The following SVIL variants were observed in gnomAD, a reference collection of about 807,000 sequenced individuals.
SVIL encodes the protein archvillin.
SVIL carries 101 observed loss-of-function variants against 240.4 expected under a neutral mutation model. The observed-to-expected ratio is 0.42, with a 90% CI of 0.36 to 0.50. The LOEUF (loss-of-function observed/expected upper bound fraction) is 0.50. Among genes scored for constraint, SVIL ranks in the 20% least tolerant of loss-of-function variants. The probability of loss-of-function intolerance (pLI) is 0.01; values close to 1 mark genes in which losing one functional copy is unlikely to be tolerated. For synonymous variants in SVIL, 999 were observed against 1,100.0 expected (o/e 0.91, Z 1.82); for missense variants, 2,512 against 2,818.7 (o/e 0.89, Z 2.46).
At chr10:29,602,752 G>A (rs1450533882) in intron 1 of SVIL, among the ~76,000 whole-genome samples, 2 of 152,220 alleles carry the variant, frequency 1.3e-5, no homozygotes, top group Non-Finnish European at 2.9e-5. Flanking sequence ...TCGGGGGGCC[G>A]AGGCAGTTGG....
intron 2 of SVIL, among the ~76,000 whole-genome samples, chr10:29,667,239 C>CA (rs974803194): frequency 2.0e-5 from 3 of 152,134 alleles, no homozygotes; most frequent in African/African-American, 7.2e-5. Flanking sequence ...GAAACAATCT[C>CA]AAAGTCCTTT....
chr10:29,466,361 A>G (rs559373905), intron 33 of SVIL, among the ~76,000 whole-genome samples: 12 of 152,268 alleles, frequency 7.9e-5, no homozygotes, highest in Admixed American at 7.2e-4. Flanking sequence ...CCTTTCATCA[A>G]TTTGGCAAAG....
chr10:29,706,004 C>T (rs767144462), intron 1 of SVIL, among the ~76,000 whole-genome samples: 9 of 152,218 alleles, frequency 5.9e-5, no homozygotes, highest in Non-Finnish European at 8.8e-5. Context: ...TGGGTATATA[C>T]TGAGCTACTT....
At chr10:29,501,331 C>T (rs1022124805) in intron 17 of SVIL, among the ~76,000 whole-genome samples, 1 of 151,262 alleles carries the variant, frequency 6.6e-6, no homozygotes, top group Admixed American at 6.6e-5. Context: ...GAGGAAATAT[C>T]TTTGACTTTA....
intron 33 of SVIL, chr10:29,467,368 A>T (rs1945047987): frequency 1.2e-5 from 2 of 161,134 alleles, no homozygotes; most frequent in African/African-American, 4.8e-5. Flanking sequence ...TGGTGCCCTG[A>T]GTCCCTAAGA....
Position 29,495,247 on chromosome 10 carries a change from G to A in SVIL, c.3665-66C>T, listed in dbSNP as rs2368404. On this transcript the variant is annotated intron_variant, in intron 18 of 37. Transcript: ENST00000355867. ...ACTTCTGGAAATCTCCGGGACCCTG[G>A]TGGATCTCCAGAAATCCCAGGGTAG... The A allele has an allele frequency of 0.024, 18,966 of 794,886 alleles. 2,935 individuals carry two copies. The African/African-American group carries it at 0.24, about 10-fold the overall frequency. The allele number at this position is 794,886 out of a possible 1,614,324, so 49.2% of individuals were successfully genotyped here. A position where few individuals can be genotyped will look rare whatever the true frequency, so the allele number is the denominator to read the frequency against.
intron 1 of SVIL, among the ~76,000 whole-genome samples, chr10:29,688,952 T>A (rs76302820): frequency 0.015 from 2,325 of 152,270 alleles, 45 homozygotes; most frequent in East Asian, 0.098. Context: ...CAAAGTGCTG[T>A]TTACAACTTT....
At position 29,524,025 on chromosome 10, in the gene SVIL, C is replaced by T. The variant is rs559387428; in HGVS notation, c.2589G>A (p.Val863=). ...AGAAAGGAATGAGCTTTCCACTCTG[C>T]ACCTGGAAGGACACAGTTAAAAATT... is the stretch of plus-strand genomic sequence containing the variant. The part of the protein sequence containing the change: ...QPVTLGEVEQ[V]QSGKLIPFSP... Residue 863 remains valine, a splice_region_variant and synonymous_variant, in exon 15 of 38, where the codon GTG becomes GTA. Transcript: ENST00000355867. 1 of 1,598,570 alleles carries T rather than the reference C, an allele frequency of 6.3e-7. No homozygotes were observed. The highest frequency in any genetic ancestry group is 1.3e-5 in the African/African-American group (1 of 74,138).
chr10:29,652,367 CAT>C (rs1364996508), intron 3 of SVIL, among the ~76,000 whole-genome samples: 1 of 152,200 alleles, frequency 6.6e-6, no homozygotes, highest in East Asian at 1.9e-4. Context: ...CATGTTTTAG[CAT>C]ATGTCAGCAC....
chr10:29,667,991 T>C (rs1450409289), intron 2 of SVIL, among the ~76,000 whole-genome samples: 3 of 152,216 alleles, frequency 2.0e-5, no homozygotes, highest in Admixed American at 6.5e-5. Flanking sequence ...AATAGGGCTA[T>C]TGTCATCTTC....
intron 1 of SVIL, among the ~76,000 whole-genome samples, chr10:29,702,175 C>CTAAAA (rs1962564089): frequency 1.6e-5 from 1 of 61,660 alleles, no homozygotes; most frequent in Non-Finnish European, 2.9e-5. Flanking sequence ...ACTCCATCTC[C>CTAAAA]AAAAAAAAAA....
At chr10:29,703,995 C>T (rs1222832416) in intron 1 of SVIL, among the ~76,000 whole-genome samples, 3 of 152,082 alleles carry the variant, frequency 2.0e-5, no homozygotes, top group Non-Finnish European at 4.4e-5. Context: ...GAGATGGGGT[C>T]TCTCCCTATG....
chr10:29,500,220 C>T (rs1398028650), intron 17 of SVIL, among the ~76,000 whole-genome samples: 3 of 141,160 alleles, frequency 2.1e-5, no homozygotes, highest in Admixed American at 1.4e-4. Flanking sequence ...GTGGTGGTCG[C>T]GGGCGATACC....
At position 29,532,077 on chromosome 10, in the gene SVIL, G is replaced by C; in HGVS notation, c.1934C>G (p.Pro645Arg). The C allele has an allele frequency of 6.2e-7, 1 of 1,614,152 alleles. No homozygotes were observed. The highest frequency in any genetic ancestry group is 8.5e-7 in the Non-Finnish European group (1 of 1,179,988). Residue 645 changes from proline to arginine, a missense_variant, in exon 9 of 38, where the codon CCT becomes CGT. Coordinates refer to ENST00000355867, the MANE Select transcript of SVIL (RefSeq NM_021738.3). ...CTCGGAAGTTTTTCTACTTTCACCA[G>C]GAGAAAAATAGCGTCTTGGTTTCCG... is the stretch of plus-strand genomic sequence containing the variant. The part of the protein sequence containing the change: ...GSRKPRRYFS[P>R]GESRKTSERF...
Position 29,532,541 on chromosome 10 carries a change from C to T in SVIL, c.1826G>A (p.Arg609Lys), listed in dbSNP as rs772018771. The T allele has an allele frequency of 3.1e-6, 5 of 1,609,400 alleles. No individual in the cohort carries two copies. The highest frequency in any genetic ancestry group is 4.3e-6 in the Non-Finnish European group (5 of 1,176,260). The stretch of plus-strand genomic sequence containing the variant: ...AAGCATCACCTACAGTTCAGGTCTC[C>T]TGCAGGCGTTGGCAGATGCCAGGAA... ...SAFLASANAC[R>K]RPELKSRVER... The change falls in exon 8 of 38, where the codon AGG (arginine) becomes AAG (lysine). Residue 609 changes from arginine (R) to lysine (K), a missense_variant. Coordinates refer to ENST00000355867, the MANE Select transcript of SVIL (RefSeq NM_021738.3).
At chr10:29,616,435 T>C (rs1195329638) in intron 1 of SVIL, among the ~76,000 whole-genome samples, 1 of 152,152 alleles carries the variant, frequency 6.6e-6, no homozygotes. Flanking sequence ...TCAAGTAAAA[T>C]ATACAATAAA....
At chr10:29,649,070 G>T (rs763001720) in intron 3 of SVIL, among the ~76,000 whole-genome samples, 1 of 152,120 alleles carries the variant, frequency 6.6e-6, no homozygotes, top group Non-Finnish European at 1.5e-5. Flanking sequence ...TGAGGTAGGA[G>T]GATCCTTTAA....
intron 1 of SVIL, among the ~76,000 whole-genome samples, chr10:29,622,110 C>T (rs1016817179): frequency 1.5e-4 from 22 of 150,862 alleles, no homozygotes; most frequent in Non-Finnish European, 2.5e-4. Flanking sequence ...ATTAGCCGGG[C>T]GTGGTGGCGG....
chr10:29,604,783 G>T (rs1312099388), intron 1 of SVIL, among the ~76,000 whole-genome samples: 1 of 152,062 alleles, frequency 6.6e-6, no homozygotes, highest in Non-Finnish European at 1.5e-5. Flanking sequence ...TGCCCAGGCT[G>T]GTCTTGAACC....
Sources: gnomAD v4.1 joint callset for allele counts (sites outside exome capture counted in the v4.1 genomes callset) on GRCh38, gnomAD v4.1.1 for gene constraint, MANE v1.5 for transcripts, NCBI Gene and HGNC (gene_info 2026-07-23, HGNC 2026-07-21) for gene names.